Variants in GLIS3 observed in about 807,000 individuals in gnomAD.
The protein encoded by GLIS3 is GLIS family zinc finger 3.
GLIS3 carries 53 observed loss-of-function variants against 78.6 expected under a neutral mutation model. That is an observed-to-expected ratio of 0.67 (90% CI 0.54 to 0.85). GLIS3 has a LOEUF of 0.85. Ranked by LOEUF, GLIS3 falls within the 40% of genes least tolerant of loss-of-function variation. GLIS3 has a pLI of 0.00. For missense variants in GLIS3, 1,703 were observed against 1,231.1 expected (o/e 1.38, Z -5.74); for synonymous variants, 684 against 509.9 (o/e 1.34, Z -4.60).
chr9:3,972,512 C>T (rs1314918665), intron 4 of GLIS3, among the ~76,000 whole-genome samples: 3 of 152,134 alleles, frequency 2.0e-5, no homozygotes, highest in African/African-American at 7.2e-5. Context: ...TTTGGGCTTG[C>T]CAGCTTCCAT....
chr9:4,329,816 T>C (rs1424214774), intron 2 of GLIS3, among the ~76,000 whole-genome samples: 4 of 152,206 alleles, frequency 2.6e-5, no homozygotes, highest in Non-Finnish European at 5.9e-5. Context: ...CTTCAAGTGA[T>C]GAGGCCTACT....
the GLIS3 span, among the ~76,000 whole-genome samples, chr9:4,355,253 C>CT: frequency 6.6e-6 from 1 of 152,148 alleles, no homozygotes; most frequent in Non-Finnish European, 1.5e-5. Context: ...AACTCTGCCA[C>CT]TTGGCGGCTG....
At chr9:4,273,796 C>G (rs1826743586) in intron 2 of GLIS3, among the ~76,000 whole-genome samples, 1 of 152,032 alleles carries the variant, frequency 6.6e-6, no homozygotes, top group South Asian at 2.1e-4. Context: ...TCCTCCCTAC[C>G]CAAGATCCCC....
intron 2 of GLIS3, among the ~76,000 whole-genome samples, chr9:4,326,761 G>T (rs1269103648): frequency 6.6e-6 from 1 of 152,090 alleles, no homozygotes; most frequent in Non-Finnish European, 1.5e-5. Flanking sequence ...AAAAAAATGA[G>T]AGAGAATTGG....
intron 4 of GLIS3, among the ~76,000 whole-genome samples, chr9:4,029,276 T>C (rs988466680): frequency 3.3e-5 from 5 of 151,820 alleles, no homozygotes; most frequent in African/African-American, 1.2e-4. Context: ...CCAGCAGACC[T>C]TTTCCCCCCG....
At chr9:4,322,335 A>G (rs1440132506) in intron 2 of GLIS3, among the ~76,000 whole-genome samples, 5 of 152,138 alleles carry the variant, frequency 3.3e-5, no homozygotes, top group African/African-American at 1.2e-4. Context: ...GCCACAATAA[A>G]CATATGTGTG....
chr9:3,976,757 G>C, intron 4 of GLIS3, among the ~76,000 whole-genome samples: 1 of 113,470 alleles, frequency 8.8e-6, no homozygotes, highest in Non-Finnish European at 1.7e-5. Flanking sequence ...CAGTGACAAG[G>C]TTTCTCTATG....
intron 2 of GLIS3, among the ~76,000 whole-genome samples, chr9:4,185,397 A>C (rs1265869407): frequency 6.6e-6 from 1 of 152,204 alleles, no homozygotes; most frequent in Non-Finnish European, 1.5e-5. Context: ...GGCTATTATA[A>C]AGAATGCTGC....
At chr9:4,254,045 T>C (rs1212349530) in intron 2 of GLIS3, among the ~76,000 whole-genome samples, 1 of 152,226 alleles carries the variant, frequency 6.6e-6, no homozygotes, top group East Asian at 1.9e-4. Flanking sequence ...TGTTCCTATT[T>C]GGCCATCTTG....
chr9:3,982,454 T>G (rs1297152314), intron 4 of GLIS3, among the ~76,000 whole-genome samples: 1 of 152,194 alleles, frequency 6.6e-6, no homozygotes, highest in Non-Finnish European at 1.5e-5. Context: ...ATCAAAGTTT[T>G]GCTACTTACT....
intron 4 of GLIS3, among the ~76,000 whole-genome samples, chr9:3,944,074 G>C (rs1816122486): frequency 6.6e-6 from 1 of 152,108 alleles, no homozygotes; most frequent in Non-Finnish European, 1.5e-5. Flanking sequence ...TTTCTTATTG[G>C]TTTAAAGGAA....
At chr9:4,384,189 G>C in the GLIS3 span, among the ~76,000 whole-genome samples, 3 of 152,170 alleles carry the variant, frequency 2.0e-5, no homozygotes. Context: ...TCACTTTGTG[G>C]AGCACACTGG....
chr9:4,291,198 A>G (rs976935961), intron 1 of GLIS3, among the ~76,000 whole-genome samples: 4 of 152,126 alleles, frequency 2.6e-5, no homozygotes, highest in African/African-American at 4.8e-5. Flanking sequence ...CAAGGTGTAC[A>G]AATGTTACTT....
intron 4 of GLIS3, among the ~76,000 whole-genome samples, chr9:4,047,780 G>T (rs1478300204): frequency 1.3e-5 from 2 of 152,194 alleles, no homozygotes; most frequent in African/African-American, 4.8e-5. Context: ...TTCTGGGAAA[G>T]ACATGAACCT....
At chr9:4,438,493 G>A in the GLIS3 span, among the ~76,000 whole-genome samples, 2 of 152,160 alleles carry the variant, frequency 1.3e-5, no homozygotes. Context: ...TGGTGGCAGT[G>A]TGAAGATTTT....
chr9:4,252,073 A>T (rs555610817), intron 2 of GLIS3, among the ~76,000 whole-genome samples: 4 of 152,170 alleles, frequency 2.6e-5, no homozygotes, highest in African/African-American at 9.6e-5. Flanking sequence ...GAATCTGATA[A>T]TTATGTGTCT....
At chr9:4,036,602 C>G (rs140521181) in intron 4 of GLIS3, among the ~76,000 whole-genome samples, 2 of 152,120 alleles carry the variant, frequency 1.3e-5, no homozygotes, top group Non-Finnish European at 2.9e-5. Flanking sequence ...AGAGGAAAAA[C>G]AGAGAGGCTA....
Position 3,938,073 on chromosome 9 carries a change from T to C in GLIS3, c.1711-884A>G, listed in dbSNP as rs546341595. 1.2e-3 allele frequency among the ~76,000 whole-genome samples: 186 copies of C among 152,220 alleles called. 2 individuals are homozygous for C. Among genetic ancestry groups the C allele is most frequent in the African/African-American group, 4.4e-3 (182 of 41,538 alleles). On this transcript the variant is annotated intron_variant, in intron 4 of 10. Transcript: ENST00000381971. ...GTGATTCCAATCCTTGAAGTAACAA[T>C]CTAATAAAGAAAATGTGTTAGAGAA...
At chr9:4,413,486 G>C in the GLIS3 span, among the ~76,000 whole-genome samples, 1 of 152,148 alleles carries the variant, frequency 6.6e-6, no homozygotes, top group African/African-American at 2.4e-5. Flanking sequence ...TTATTTTTCA[G>C]CTGTGTATTG....
Sources: allele counts gnomAD v4.1 joint callset (sites outside exome capture counted in the v4.1 genomes callset), GRCh38; gene constraint gnomAD v4.1.1; transcripts MANE v1.5; gene names NCBI Gene and HGNC (gene_info 2026-07-23, HGNC 2026-07-21).